Variants in LRPPRC observed in about 807,000 individuals in gnomAD.
The protein encoded by LRPPRC is leucine-rich PPR motif-containing protein, mitochondrial.
In LRPPRC, 120 loss-of-function variants were observed where a neutral mutation model predicts 180.3. That is an observed-to-expected ratio of 0.67 (90% CI 0.57 to 0.77). LRPPRC has a LOEUF of 0.77. Among genes scored for constraint, LRPPRC ranks in the 30% least tolerant of loss-of-function variants. The pLI, the probability that LRPPRC is intolerant of heterozygous loss-of-function variation, is 0.00. For missense variants in LRPPRC, 2,012 were observed against 1,657.2 expected (o/e 1.21, Z -3.72); for synonymous variants, 723 against 600.0 (o/e 1.21, Z -3.00).
chr2:43,988,241 A>C (rs1367220242), intron 1 of LRPPRC, among the ~76,000 whole-genome samples: 2 of 151,282 alleles, frequency 1.3e-5, no homozygotes, highest in Admixed American at 1.3e-4. Context: ...TGTCTCAAAA[A>C]AAAAAAAAAA....
At chr2:43,983,037 A>G (rs1674380835) in intron 1 of LRPPRC, among the ~76,000 whole-genome samples, 2 of 152,166 alleles carry the variant, frequency 1.3e-5, no homozygotes, top group Non-Finnish European at 2.9e-5. Flanking sequence ...CTGCTGTGCA[A>G]CTGTCAAAAT....
At chr2:43,914,000 T>C (rs1671354676) in intron 29 of LRPPRC, among the ~76,000 whole-genome samples, 2 of 152,200 alleles carry the variant, frequency 1.3e-5, no homozygotes, top group South Asian at 4.1e-4. Flanking sequence ...CTTATTAAAG[T>C]CACAGAATGG....
In LRPPRC at chr2:43,934,851, G is replaced by A. The variant is rs150033044; in HGVS notation, c.2532C>T (p.Val844=). 13 of 1,612,688 alleles carry A rather than the reference G, an allele frequency of 8.1e-6. No homozygotes were observed. Among genetic ancestry groups the A allele is most frequent in the South Asian group, 3.3e-5 (3 of 91,030 alleles). ...TATACTTTTCATAGCAGTCAATGGC[G>A]ACCTCAAGAGCAGTAGATAGGTCGC... ...EKGDLSTALE[V]AIDCYEKYKV... is the part of the protein sequence containing the mutation. The change falls in exon 24 of 38, where the codon GTC becomes GTT. Residue 844 remains valine (V), a synonymous_variant. Transcript: ENST00000260665.
chr2:43,930,936 C>G (rs923988732), intron 25 of LRPPRC, among the ~76,000 whole-genome samples: 7 of 152,138 alleles, frequency 4.6e-5, no homozygotes, highest in Admixed American at 6.5e-5. Flanking sequence ...TCAGGTACTT[C>G]ATTTACCTCC....
At chr2:43,954,528 G>A (rs1559003860) in intron 14 of LRPPRC, among the ~76,000 whole-genome samples, 1 of 152,166 alleles carries the variant, frequency 6.6e-6, no homozygotes, top group Non-Finnish European at 1.5e-5. Flanking sequence ...CTAAGTATGA[G>A]CTAATACAAC....
intron 25 of LRPPRC, among the ~76,000 whole-genome samples, chr2:43,932,054 G>C (rs375158249): frequency 7.5e-6 from 1 of 133,400 alleles, no homozygotes; most frequent in African/African-American, 2.8e-5. Flanking sequence ...TTGTGCCCAG[G>C]AGATCAAGGC....
At chr2:43,904,723 AAC>A (rs1491442260) in intron 31 of LRPPRC, 6 of 148,758 alleles carry the variant, frequency 4.0e-5, no homozygotes, top group African/African-American at 1.5e-4. Context: ...AAAAAAACAA[AAC>A]AAAAAAAAAC....
At chr2:43,892,622 A>G (rs1670531627) in intron 36 of LRPPRC, 1 of 152,208 alleles carries the variant, frequency 6.6e-6, no homozygotes, top group Non-Finnish European at 1.5e-5. Context: ...CAGGTGCCCT[A>G]ATAAAACATC....
At chr2:43,925,269 A>G in intron 26 of LRPPRC, 112 bp from the exon 27 acceptor site, 1 of 747,412 alleles carries the variant, frequency 1.3e-6, no homozygotes, top group Non-Finnish European at 2.5e-6. Context: ...GGGCAGTTGA[A>G]CTTCATTTCA....
chr2:43,952,450 T>C (rs1672944003), intron 14 of LRPPRC, among the ~76,000 whole-genome samples: 1 of 152,208 alleles, frequency 6.6e-6, no homozygotes, highest in African/African-American at 2.4e-5. Context: ...GCAATCTGAC[T>C]TCTGGCCCCA....
chr2:43,889,846 G>C lies in LRPPRC; in HGVS notation c.4016C>G (p.Ala1339Gly). The change falls in exon 37 of 38, where the codon GCA (alanine) becomes GGA (glycine). Residue 1339 changes from alanine to glycine, a missense_variant. Coordinates refer to ENST00000260665, the MANE Select transcript of LRPPRC (RefSeq NM_133259.4). ...VSEKDVTSAK[A>G]LYEHLTAKNT... ...CTTTGCAGTCAAATGTTCATACAGT[G>C]CTTTAGCAGATGTGACATCTTTCTC... The C allele has an allele frequency of 7.5e-6, 12 of 1,608,948 alleles. No individual in the cohort carries two copies. Among genetic ancestry groups the C allele is most frequent in the Non-Finnish European group, 1.0e-5 (12 of 1,175,252 alleles).
chr2:43,942,435 C>G (rs1672516545), intron 23 of LRPPRC, among the ~76,000 whole-genome samples: 1 of 151,994 alleles, frequency 6.6e-6, no homozygotes, highest in Non-Finnish European at 1.5e-5. Flanking sequence ...TTATTTGAAT[C>G]ACTATTTCTT....
At chr2:43,942,515 G>C (rs191234555) in intron 23 of LRPPRC, among the ~76,000 whole-genome samples, 35 of 152,188 alleles carry the variant, frequency 2.3e-4, no homozygotes, top group African/African-American at 8.2e-4. Context: ...AATTGTTTTT[G>C]ATTGGATGGC....
chr2:43,893,286 G>C (rs559994254), intron 36 of LRPPRC, among the ~76,000 whole-genome samples: 1 of 152,188 alleles, frequency 6.6e-6, no homozygotes, highest in Non-Finnish European at 1.5e-5. Flanking sequence ...CAGTGGTATG[G>C]TTTGAGAAGA....
chr2:43,963,523 C>T (rs1360716280), intron 12 of LRPPRC, 65 bp downstream of exon 12: 4 of 988,558 alleles, frequency 4.0e-6, no homozygotes, highest in Non-Finnish European at 6.5e-6. Flanking sequence ...TGTGTGTCAA[C>T]ACTAAACATT....
At chr2:43,974,442 A>C (rs1056373400) in intron 8 of LRPPRC, 147 bp from the exon 9 acceptor site, 58 of 821,780 alleles carry the variant, frequency 7.1e-5, no homozygotes, top group Non-Finnish European at 1.0e-4. Flanking sequence ...CCTGCAAATC[A>C]AATCATCCCC....
rs752264038 is a variant in LRPPRC, at chr2:43,979,851, C to A, written c.444G>T (p.Arg148Ser). ...CTAATTTCTGAAGTGTGTCCCATAT[C>A]CTATGAGCAAATTCTGTTCTCTCTT... The part of the protein sequence containing the change: ...KLEERTEFAH[R>S]IWDTLQKLGA... The change falls in exon 3 of 38, where the codon AGG (arginine) becomes AGT (serine). Residue 148 changes from arginine to serine, a missense_variant. Arg to Ser is a moderately radical substitution (Grantham distance 110). Coordinates refer to ENST00000260665, the MANE Select transcript of LRPPRC (RefSeq NM_133259.4). 5.6e-6 allele frequency: 9 copies of A among 1,613,258 alleles called. No homozygotes were observed. Among genetic ancestry groups the A allele is most frequent in the Non-Finnish European group, 7.6e-6 (9 of 1,179,332 alleles).
chr2:43,986,545 C>A (rs1251660662), intron 1 of LRPPRC, among the ~76,000 whole-genome samples: 1 of 152,178 alleles, frequency 6.6e-6, no homozygotes, highest in Admixed American at 6.5e-5. Flanking sequence ...AGGTAGAAGA[C>A]AGAAGAGGCA....
chr2:43,891,820 G>A (rs537294920), intron 36 of LRPPRC, among the ~76,000 whole-genome samples: 1 of 152,340 alleles, frequency 6.6e-6, no homozygotes, highest in East Asian at 1.9e-4. Context: ...GTCAAAAGCC[G>A]AGATACGCTG....
Sources: gnomAD v4.1 joint callset for allele counts (sites outside exome capture counted in the v4.1 genomes callset) on GRCh38, gnomAD v4.1.1 for gene constraint, MANE v1.5 for transcripts, NCBI Gene and HGNC (gene_info 2026-07-23, HGNC 2026-07-21) for gene names.